Variants in EBF3 observed in about 807,000 individuals in gnomAD.
The protein encoded by EBF3 is EBF transcription factor 3.
A neutral mutation model predicts 77.1 loss-of-function variants in EBF3; 18 were observed. The observed-to-expected ratio is 0.23, with a 90% CI of 0.16 to 0.35. The LOEUF (loss-of-function observed/expected upper bound fraction) is 0.35, where lower values mean the gene tolerates loss of function less well. Among genes scored for constraint, EBF3 ranks in the 10% least tolerant of loss-of-function variants. The pLI is 1.00. For missense variants in EBF3, 558 were observed against 860.0 expected (o/e 0.65, Z 4.39); for synonymous variants, 350 against 343.5 (o/e 1.02, Z -0.21).
At chr10:129,939,618 C>G (rs1186634535) in intron 6 of EBF3, among the ~76,000 whole-genome samples, 1 of 152,220 alleles carries the variant, frequency 6.6e-6, no homozygotes, top group Non-Finnish European at 1.5e-5. Context: ...ACAACGTCTG[C>G]GTCTCCTCCT....
chr10:129,962,870 T>G, intron 3 of EBF3, 72 bp downstream of exon 3: 2 of 1,554,774 alleles, frequency 1.3e-6, no homozygotes, highest in South Asian at 2.3e-5. Context: ...CTCAAATCTT[T>G]ATGTCCTTTC....
rs995376535 is a variant in EBF3 at position 129,864,242 on chromosome 10, G to A, written c.1039+2899C>T. Among the ~76,000 whole-genome samples the A allele has an allele frequency of 1.3e-5, 2 of 152,178 alleles. No individual in the cohort carries two copies. Among genetic ancestry groups the A allele is most frequent in the Non-Finnish European group, 2.9e-5 (2 of 68,018 alleles). On this transcript the variant is annotated intron_variant, in intron 10 of 16. Transcript: ENST00000440978. The surrounding 1 kb of genome is among the most constrained non-coding windows in gnomAD (Gnocchi z 4.4). Reference sequence around the variant, plus strand: ...AGAGAGCTGCCCCCTCCCTGCACCAGCCCCAGAGCAGCAAAAGCAGGGCCC... The same window carrying A: ...AGAGAGCTGCCCCCTCCCTGCACCAACCCCAGAGCAGCAAAAGCAGGGCCC...
chr10:129,846,487 T>A (rs1295718224), intron 11 of EBF3, among the ~76,000 whole-genome samples: 5 of 151,704 alleles, frequency 3.3e-5, no homozygotes, highest in Non-Finnish European at 7.4e-5. Flanking sequence ...TCATCTCTCA[T>A]TTCTATTCTT....
rs117819009 is a variant in EBF3, at chr10:129,920,402, C to T, written c.554+36856G>A. On this transcript the variant is annotated intron_variant, in intron 6 of 16. Transcript: ENST00000440978. The stretch of plus-strand genomic sequence containing the variant: ...CTGCAGGAGGGCCACAAACCCACCC[C>T]GCTGTGTGATCTAGGGCGAATATCT... Among the ~76,000 whole-genome samples the T allele has an allele frequency of 1.0e-3, 156 of 152,168 alleles. 4 individuals are homozygous for T. In the East Asian group the frequency reaches 0.029, roughly 28 times the overall value.
At chr10:129,957,495 C>T (rs889877176) in intron 5 of EBF3, among the ~76,000 whole-genome samples, 169 bp from the exon 6 acceptor site, 2 of 151,680 alleles carry the variant, frequency 1.3e-5, no homozygotes, top group African/African-American at 2.4e-5. Context: ...GCTAAACTTA[C>T]GATGTAACTT....
At chr10:129,846,338 C>T (rs569997039) in intron 11 of EBF3, among the ~76,000 whole-genome samples, 21 of 152,010 alleles carry the variant, frequency 1.4e-4, no homozygotes, top group Admixed American at 7.9e-4. Flanking sequence ...CATCAAACCA[C>T]GTGCATTACG....
intron 6 of EBF3, among the ~76,000 whole-genome samples, chr10:129,948,363 A>G (rs1351250410): frequency 6.6e-6 from 1 of 151,866 alleles, no homozygotes; most frequent in Non-Finnish European, 1.5e-5. Flanking sequence ...AAAACTAGAG[A>G]CACAGTAAAA....
Position 129,943,151 on chromosome 10 carries a change from G to A in EBF3, c.554+14107C>T, listed in dbSNP as rs572028619. Among the ~76,000 whole-genome samples the A allele has an allele frequency of 2.0e-5, 3 of 152,190 alleles. No individual in the cohort carries two copies. Among genetic ancestry groups the A allele is most frequent in the Non-Finnish European group, 4.4e-5 (3 of 68,034 alleles). ...CCAACAACTTCCTCCACATAAACAA[G>A]GCCCGCCAGAGCCAGAGAGCTGCCA... On this transcript the variant is annotated intron_variant, in intron 6 of 16. Transcript: ENST00000440978. This position sits in a 1 kb window ranked among gnomAD's most constrained non-coding sequence, Gnocchi z 8.8.
chr10:129,866,906 G>A (rs1349946010), intron 10 of EBF3, among the ~76,000 whole-genome samples: 2 of 152,214 alleles, frequency 1.3e-5, no homozygotes, highest in Non-Finnish European at 1.5e-5. Context: ...CAAAGGGAGA[G>A]AGGTACCGAA....
intron 6 of EBF3, among the ~76,000 whole-genome samples, chr10:129,937,026 T>G (rs1440478282): frequency 6.6e-6 from 1 of 152,202 alleles, no homozygotes; most frequent in Non-Finnish European, 1.5e-5. Context: ...TCCTACGTGA[T>G]GCATGCCGAG....
rs1469479263 is a variant in EBF3, at chr10:129,885,210, T to A, written c.555-7361A>T. ...TCTCATTAAAATGATGCCAAAGAGA[T>A]CTGATGGGATTTAATGGCTTTGCCG... On this transcript the variant is annotated intron_variant, in intron 6 of 16. Coordinates refer to ENST00000440978, the MANE Select transcript of EBF3 (RefSeq NM_001375380.1). This position sits in a 1 kb window ranked among gnomAD's most constrained non-coding sequence, Gnocchi z 4.0. Among the ~76,000 whole-genome samples the A allele has an allele frequency of 6.6e-6, 1 of 152,166 alleles. No homozygotes were observed. Among genetic ancestry groups the A allele is most frequent in the African/African-American group, 2.4e-5 (1 of 41,422 alleles).
intron 5 of EBF3, among the ~76,000 whole-genome samples, chr10:129,958,495 T>A (rs1361269168): frequency 6.6e-6 from 1 of 152,084 alleles, no homozygotes; most frequent in African/African-American, 2.4e-5. Context: ...ACTGACAGAA[T>A]CACAATCCAA....
chr10:129,844,566 C>T (rs374028727), intron 11 of EBF3, among the ~76,000 whole-genome samples: 1 of 152,122 alleles, frequency 6.6e-6, no homozygotes, highest in Admixed American at 6.6e-5. Context: ...TCATTGTTTC[C>T]CCATCTCCCC....
intron 8 of EBF3, among the ~76,000 whole-genome samples, chr10:129,869,272 G>A (rs540000464): frequency 2.0e-5 from 3 of 152,272 alleles, no homozygotes; most frequent in South Asian, 4.1e-4. Context: ...CCTGAGGCCC[G>A]AGGAGTACCC....
At position 129,918,504 on chromosome 10, in the gene EBF3, G is replaced by A. The variant is rs539885790; in HGVS notation, c.554+38754C>T. On this transcript the variant is annotated intron_variant, in intron 6 of 16. Coordinates refer to ENST00000440978, the MANE Select transcript of EBF3 (RefSeq NM_001375380.1). ...ATCGGGGAGCGTTGAGAAAGTAATG[G>A]AGCTTGGAGCTGCCATTTCTGCTTC... Among the ~76,000 whole-genome samples the A allele has an allele frequency of 3.3e-5, 5 of 152,342 alleles. No individual in the cohort carries two copies. The East Asian group carries it at 9.6e-4, about 29-fold the overall frequency.
intron 10 of EBF3, among the ~76,000 whole-genome samples, chr10:129,862,712 A>C (rs1446631198): frequency 1.3e-5 from 2 of 152,232 alleles, no homozygotes; most frequent in Non-Finnish European, 1.5e-5. Flanking sequence ...ACTTGAAAAC[A>C]TGTCTATGAA....
At chr10:129,936,669 C>A (rs1394900341) in intron 6 of EBF3, among the ~76,000 whole-genome samples, 1 of 149,486 alleles carries the variant, frequency 6.7e-6, no homozygotes, top group Non-Finnish European at 1.5e-5. Context: ...GTGTAGGGGA[C>A]CTGCAGCCTG....
At position 129,963,875 on chromosome 10, in the gene EBF3, G is replaced by C. The variant is rs1241508262; in HGVS notation, c.-107C>G. 5 of 1,230,892 alleles carry C rather than the reference G, an allele frequency of 4.1e-6. No homozygotes were observed. Among genetic ancestry groups the C allele is most frequent in the South Asian group, 4.5e-5 (2 of 44,236 alleles). The allele number at this position is 1,230,892 out of a possible 1,614,324, so 76.2% of individuals were successfully genotyped here. On this transcript the variant is annotated 5_prime_UTR_variant, in exon 1 of 17. Coordinates refer to ENST00000440978, the MANE Select transcript of EBF3 (RefSeq NM_001375380.1). This position sits in a 1 kb window ranked among gnomAD's most constrained non-coding sequence, Gnocchi z 7.1. ...TGCCCTGGCCGCCCTCGCCCTGCTC[G>C]GCGCCTGCGGTCCGGCCCCGCCGCC...
At chr10:129,957,142 G>T in intron 6 of EBF3, 116 bp downstream of exon 6, 1 of 893,180 alleles carries the variant, frequency 1.1e-6, no homozygotes, top group Non-Finnish European at 1.8e-6. Flanking sequence ...ATGGTGCAAT[G>T]CACAAGATGG....
Sources: gnomAD v4.1 joint callset for allele counts (sites outside exome capture counted in the v4.1 genomes callset) on GRCh38, gnomAD v4.1.1 for gene constraint, Gnocchi (gnomAD v3.1) non-coding constraint, MANE v1.5 for transcripts, NCBI Gene and HGNC (gene_info 2026-07-23, HGNC 2026-07-21) for gene names.